The following RNF213 variants were observed in gnomAD, a reference collection of about 807,000 sequenced individuals.
RNF213 encodes the protein E3 ubiquitin-protein ligase RNF213.
In RNF213, 341 loss-of-function variants were observed where a neutral mutation model predicts 514.4. That is an observed-to-expected ratio of 0.66 (90% CI 0.61 to 0.73). RNF213 has a LOEUF of 0.73. Among genes scored for constraint, RNF213 ranks in the 30% least tolerant of loss-of-function variants. RNF213 has a pLI of 0.00. For missense variants in RNF213, 5,767 were observed against 6,615.6 expected, an observed-to-expected ratio of 0.87 and a Z score of 4.45; for synonymous variants, 2,655 against 2,658.2, an observed-to-expected ratio of 1.00 and a Z score of 0.04.
At chr17:80,372,195 G>A (rs1194064229) in intron 47 of RNF213, among the ~76,000 whole-genome samples, 1 of 152,220 alleles carries the variant, frequency 6.6e-6, no homozygotes, top group Non-Finnish European at 1.5e-5. Flanking sequence ...AACAGCCTAG[G>A]AGAATATACT....
At chr17:80,342,737 A>G (rs9892914) in intron 26 of RNF213, among the ~76,000 whole-genome samples, 56,561 of 144,340 alleles carry the variant, frequency 0.39, 11,943 homozygotes, top group Non-Finnish European at 0.46. Flanking sequence ...TATATATTAT[A>G]TATATATTGT....
At chr17:80,349,026 A>G (rs993789733) in intron 29 of RNF213, among the ~76,000 whole-genome samples, 3 of 152,150 alleles carry the variant, frequency 2.0e-5, no homozygotes, top group African/African-American at 7.2e-5. Flanking sequence ...GAACCGTACA[A>G]AGGAGAGGAG....
At position 80,279,052 on chromosome 17, in the gene RNF213, C is replaced by T. The variant is rs977240056; in HGVS notation, c.261+5648C>T. On this transcript the variant is annotated intron_variant, in intron 3 of 67. Transcript: ENST00000582970. Reference sequence around the variant, plus strand: ...CCCAGGATGGGCGTTTTCGGGTCACCCTTGGGCTGTGAAAGAGCAACGCTG... The same window carrying T: ...CCCAGGATGGGCGTTTTCGGGTCACTCTTGGGCTGTGAAAGAGCAACGCTG... 3.7e-6 allele frequency: 4 copies of T among 1,089,374 alleles called. No individual in the cohort carries two copies. The African/African-American group carries it at 4.7e-5, about 13-fold the overall frequency. The allele number at this position is 1,089,374 out of a possible 1,614,324, so 67.5% of individuals were successfully genotyped here.
chr17:80,299,068 G>A (rs2045075651), intron 11 of RNF213, among the ~76,000 whole-genome samples: 1 of 152,102 alleles, frequency 6.6e-6, no homozygotes, highest in Non-Finnish European at 1.5e-5. Context: ...ACCTATTTGT[G>A]GTTTTGTCCA....
chr17:80,322,516 C>T (rs973321275), intron 17 of RNF213, among the ~76,000 whole-genome samples: 6 of 151,946 alleles, frequency 3.9e-5, no homozygotes, highest in Non-Finnish European at 7.4e-5. Flanking sequence ...GTGGAGGTTG[C>T]AGTGAGCTGA....
chr17:80,285,802 C>G (rs1459123490), intron 3 of RNF213, among the ~76,000 whole-genome samples: 1 of 151,978 alleles, frequency 6.6e-6, no homozygotes, highest in African/African-American at 2.4e-5. Context: ...TCCCAAGTAG[C>G]TGGGATTGCA....
Position 80,343,748 on chromosome 17 carries a change from T to C in RNF213, c.6184-109T>C. The C allele has an allele frequency of 8.7e-7, 1 of 1,145,840 alleles. No homozygotes were observed. The highest frequency in any genetic ancestry group is 1.3e-6 in the Non-Finnish European group (1 of 755,526). 71.0% of individuals were successfully genotyped at this position (1,145,840 alleles called of 1,614,324 possible). ...CCGTTGTTGGCTGAAATGTTGATGT[T>C]GATCATCAGGATCATCGTGACAAAG... On this transcript the variant is annotated intron_variant, in intron 27 of 67. Transcript: ENST00000582970. This position sits in a 1 kb window ranked among gnomAD's most constrained non-coding sequence, Gnocchi z 4.3.
intron 11 of RNF213, among the ~76,000 whole-genome samples, chr17:80,301,676 C>T (rs1169319248): frequency 1.3e-5 from 2 of 152,188 alleles, no homozygotes; most frequent in African/African-American, 4.8e-5. Context: ...GAGAAACTCT[C>T]ATACAGTGTA....
chr17:80,381,153 G>C, intron 56 of RNF213, 166 bp downstream of exon 56: 3 of 755,308 alleles, frequency 4.0e-6, no homozygotes, highest in Admixed American at 2.0e-5. Context: ...CCCCTGTGGC[G>C]TATGATGGTA....
intron 38 of RNF213, chr17:80,360,515 GA>G (rs886684178): frequency 9.2e-5 from 37 of 401,028 alleles, no homozygotes; most frequent in African/African-American, 6.8e-4. Context: ...GCAAGAGGAG[GA>G]CTGTCGCCTC....
intron 2 of RNF213, among the ~76,000 whole-genome samples, chr17:80,269,570 C>A (rs1340084515): frequency 6.6e-6 from 1 of 151,936 alleles, no homozygotes; most frequent in Non-Finnish European, 1.5e-5. Flanking sequence ...ATCTGTCCAT[C>A]CATCTATACT....
intron 8 of RNF213, among the ~76,000 whole-genome samples, chr17:80,293,258 T>TGCTGTGTTGCCCAGTCTGGTCTC (rs2044805635): frequency 6.6e-6 from 1 of 151,762 alleles, no homozygotes; most frequent in African/African-American, 2.4e-5. Flanking sequence ...AGACTGGTCT[T>TGCTGTGTTGCCCAGTCTGGTCTC]GCTGTGTTGC....
intron 2 of RNF213, among the ~76,000 whole-genome samples, chr17:80,270,203 G>A (rs2043772753): frequency 6.6e-6 from 1 of 152,218 alleles, no homozygotes; most frequent in South Asian, 2.1e-4. Context: ...AGTGGAGGAC[G>A]GACCTCAGCA....
At position 80,295,565 on chromosome 17, in the gene RNF213, A is replaced by T; in HGVS notation, c.1764A>T (p.Arg588Ser). 1 of 1,614,136 alleles carries T rather than the reference A, an allele frequency of 6.2e-7. No individual in the cohort carries two copies. Among genetic ancestry groups the T allele is most frequent in the Non-Finnish European group, 8.5e-7 (1 of 1,180,028 alleles). Residue 588 changes from arginine (R) to serine (S), a missense_variant, in exon 10 of 68, where the codon AGA becomes AGT. Around this residue, in one of 13 missense-constraint regions of RNF213, gnomAD observed 592 missense variants for 673.9 expected, o/e 0.88. Coordinates refer to ENST00000582970, the MANE Select transcript of RNF213 (RefSeq NM_001256071.3). ...DLQYREKEVK[R>S]YLWQHLKKHV... ...TCTTCTCCCACCATCAGGTGAAGAG[A>T]TACCTGTGGCAACATCTGAAAAAAC...
chr17:80,281,514 C>A (rs1268614159), intron 3 of RNF213, among the ~76,000 whole-genome samples: 2 of 139,760 alleles, frequency 1.4e-5, no homozygotes, highest in African/African-American at 2.7e-5. Context: ...CACACACACC[C>A]CAACACACAC....
At chr17:80,280,180 C>A (rs1033540511) in intron 3 of RNF213, among the ~76,000 whole-genome samples, 2 of 152,196 alleles carry the variant, frequency 1.3e-5, no homozygotes, top group African/African-American at 4.8e-5. Flanking sequence ...CTTAGCCAGA[C>A]CTAAGGCACA....
chr17:80,298,831 T>C (rs75876853), intron 11 of RNF213: 1 of 318,172 alleles, frequency 3.1e-6, no homozygotes, highest in African/African-American at 2.2e-5. Context: ...AAAAAAAAAT[T>C]AGCCAGGTGT....
At chr17:80,303,477 T>G (rs1415276289) in intron 11 of RNF213, among the ~76,000 whole-genome samples, 3 of 152,122 alleles carry the variant, frequency 2.0e-5, no homozygotes, top group African/African-American at 7.2e-5. Flanking sequence ...GATCCCAACT[T>G]CTGCTAAAGG....
Position 80,384,491 on chromosome 17 carries a change from T to C in RNF213, c.14323-548T>C, listed in dbSNP as rs142105290. Among the ~76,000 whole-genome samples, 444 of 152,306 alleles carry C rather than the reference T, an allele frequency of 2.9e-3. 3 individuals carry two copies. The highest frequency in any genetic ancestry group is 0.01 in the African/African-American group (432 of 41,560). On this transcript the variant is annotated intron_variant, in intron 59 of 67. Transcript: ENST00000582970. ...CACATTGTCTAAACATTTCTCTCCA[T>C]GGACTATTATTTGCTGTCTAGCAAG... is the stretch of plus-strand genomic sequence containing the variant.
Sources: gnomAD v4.1 joint callset for allele counts (sites outside exome capture counted in the v4.1 genomes callset) on GRCh38, gnomAD v4.1.1 for gene constraint, gnomAD v4.1.1 regional missense constraint, Gnocchi (gnomAD v3.1) non-coding constraint, MANE v1.5 for transcripts, NCBI Gene and HGNC (gene_info 2026-07-23, HGNC 2026-07-21) for gene names.